Variants in SNAP91 observed in about 807,000 individuals in gnomAD.
SNAP91 encodes synaptosome associated protein 91.
SNAP91 carries 27 observed loss-of-function variants against 100.3 expected under a neutral mutation model. The observed-to-expected ratio is 0.27, with a 90% confidence interval of 0.20 to 0.37. The LOEUF is 0.37. Ranked by LOEUF, SNAP91 falls within the 10% of genes least tolerant of loss-of-function variation. SNAP91 has a pLI of 1.00. For synonymous variants in SNAP91, 404 were observed against 398.6 expected, an observed-to-expected ratio of 1.01 and a Z score of -0.16; for missense variants, 986 against 1,123.7, an observed-to-expected ratio of 0.88 and a Z score of 1.75.
intron 16 of SNAP91, among the ~76,000 whole-genome samples, chr6:83,599,422 T>A (rs1025470519): frequency 1.3e-4 from 20 of 152,272 alleles, no homozygotes; most frequent in East Asian, 7.7e-4. Context: ...AACACAAGCC[T>A]ATGAGAAACT....
intron 9 of SNAP91, 71 bp from the exon 10 acceptor site, chr6:83,617,110 T>A: frequency 9.9e-7 from 1 of 1,013,412 alleles, no homozygotes; most frequent in Non-Finnish European, 1.4e-6. Flanking sequence ...AATGTCACTG[T>A]AACTGTATGG....
intron 2 of SNAP91, among the ~76,000 whole-genome samples, chr6:83,671,169 CTTTAA>C (rs1290692314): frequency 1.3e-5 from 2 of 151,994 alleles, no homozygotes; most frequent in East Asian, 3.9e-4. Context: ...TTATTTTGGT[CTTTAA>C]TTTCTCTCAG....
Position 83,601,612 on chromosome 6 carries a change from A to G in SNAP91, c.1142-13T>C. The G allele has an allele frequency of 1.2e-6, 2 of 1,613,140 alleles. No homozygotes were observed. Among genetic ancestry groups the G allele is most frequent in the East Asian group, 2.2e-5 (1 of 44,874 alleles). On this transcript the variant is annotated splice_polypyrimidine_tract_variant and intron_variant, in intron 14 of 29. Transcript: ENST00000369694. ...TCTCCCAAAAGGTCTACCGATGTCC[A>G]TTACATGGCAGCATAAGAATAAATA... is the stretch of plus-strand genomic sequence containing the variant.
At chr6:83,699,030 T>C (rs1428015522) in intron 2 of SNAP91, among the ~76,000 whole-genome samples, 1 of 152,204 alleles carries the variant, frequency 6.6e-6, no homozygotes, top group Admixed American at 6.5e-5. Context: ...CTGCACTGGA[T>C]GGGAAGCTCC....
chr6:83,608,859 T>C (rs1215444730), intron 12 of SNAP91, among the ~76,000 whole-genome samples: 1 of 152,186 alleles, frequency 6.6e-6, no homozygotes, highest in East Asian at 1.9e-4. Flanking sequence ...GCAGTGTGGA[T>C]GTTGTTAATC....
chr6:83,591,328 G>GAAAGTGT (rs1175063735), intron 21 of SNAP91, 34 bp from the exon 22 acceptor site: 1 of 1,444,380 alleles, frequency 6.9e-7, no homozygotes, highest in East Asian at 2.3e-5. Flanking sequence ...GGAAAAGTAA[G>GAAAGTGT]AAAGTGTAAA....
At chr6:83,626,246 G>T (rs1271821217) in intron 8 of SNAP91, among the ~76,000 whole-genome samples, 6 of 152,076 alleles carry the variant, frequency 3.9e-5, no homozygotes, top group Admixed American at 3.9e-4. Flanking sequence ...GTATCATGCT[G>T]TTTTGGTTAC....
intron 25 of SNAP91, 159 bp from the exon 26 acceptor site, chr6:83,575,280 T>C: frequency 1.6e-6 from 1 of 612,290 alleles, no homozygotes; most frequent in Non-Finnish European, 2.8e-6. Context: ...CAGAGGAATC[T>C]TGCCATGCTG....
chr6:83,656,663 C>T, intron 7 of SNAP91, 91 bp downstream of exon 7: 2 of 495,914 alleles, frequency 4.0e-6, no homozygotes, highest in Non-Finnish European at 3.3e-6. Context: ...CAATATTGCC[C>T]ACCAAGTGAG....
At chr6:83,584,162 A>C (rs995998127) in intron 22 of SNAP91, among the ~76,000 whole-genome samples, 1 of 152,196 alleles carries the variant, frequency 6.6e-6, no homozygotes, top group African/African-American at 2.4e-5. Context: ...CCCGTACCTC[A>C]AGTTGGAATT....
chr6:83,660,679 T>C (rs1360270695), intron 5 of SNAP91, among the ~76,000 whole-genome samples: 1 of 152,140 alleles, frequency 6.6e-6, no homozygotes, highest in African/African-American at 2.4e-5. Flanking sequence ...TGTGTTTATA[T>C]ATGTGTTTTC....
chr6:83,654,306 C>A (rs938321199), intron 7 of SNAP91, among the ~76,000 whole-genome samples: 5 of 152,118 alleles, frequency 3.3e-5, no homozygotes, highest in Non-Finnish European at 7.4e-5. Flanking sequence ...AGAGGTTTGC[C>A]CTATGTCCTC....
chr6:83,691,694 T>C (rs909192938), intron 2 of SNAP91, among the ~76,000 whole-genome samples: 1 of 152,304 alleles, frequency 6.6e-6, no homozygotes, highest in South Asian at 2.1e-4. Flanking sequence ...ACTCCATATA[T>C]GTTTTTCTTT....
At chr6:83,661,900 C>A (rs2098550236) in intron 4 of SNAP91, among the ~76,000 whole-genome samples, 1 of 152,180 alleles carries the variant, frequency 6.6e-6, no homozygotes, top group Non-Finnish European at 1.5e-5. Context: ...TTAATTCATG[C>A]AGCCATCTGA....
At chr6:83,560,564 TATA>T (rs1319867398) in intron 27 of SNAP91, among the ~76,000 whole-genome samples, 1 of 152,222 alleles carries the variant, frequency 6.6e-6, no homozygotes. Flanking sequence ...AAAGTCCTAG[TATA>T]ATAATGAAGG....
At position 83,586,951 on chromosome 6, in the gene SNAP91, G is replaced by T. The variant is rs1259493487; in HGVS notation, c.2014+4260C>A. Reference sequence around the variant, plus strand: ...ACACCTTAAAATTTTTACTCAAGGGGTAGAAGACGACTAAGGCAATATTTC... The same window carrying T: ...ACACCTTAAAATTTTTACTCAAGGGTTAGAAGACGACTAAGGCAATATTTC... On this transcript the variant is annotated intron_variant, in intron 22 of 29. Coordinates refer to ENST00000369694, the MANE Select transcript of SNAP91 (RefSeq NM_001242792.2). Among the ~76,000 whole-genome samples the T allele has an allele frequency of 2.6e-5, 4 of 152,054 alleles. No homozygotes were observed. The East Asian group carries it at 7.7e-4, about 29-fold the overall frequency.
chr6:83,584,053 A>G (rs1434133605), intron 22 of SNAP91, among the ~76,000 whole-genome samples: 1 of 152,208 alleles, frequency 6.6e-6, no homozygotes, highest in Non-Finnish European at 1.5e-5. Context: ...AGCTTATCCC[A>G]GCCAAGGTAG....
chr6:83,580,735 A>G, intron 23 of SNAP91, 136 bp from the exon 24 acceptor site: 1 of 721,372 alleles, frequency 1.4e-6, no homozygotes, highest in Non-Finnish European at 2.2e-6. Flanking sequence ...AGTAATTCAC[A>G]CTTTTCATGA....
chr6:83,658,589 G>A (rs533169738), intron 6 of SNAP91, among the ~76,000 whole-genome samples: 2 of 152,254 alleles, frequency 1.3e-5, no homozygotes, highest in African/African-American at 4.8e-5. Flanking sequence ...CTGGGTGACA[G>A]AGTGAGACTC....
Sources: gnomAD v4.1 joint callset for allele counts (sites outside exome capture counted in the v4.1 genomes callset) on GRCh38, gnomAD v4.1.1 for gene constraint, MANE v1.5 for transcripts, NCBI Gene and HGNC (gene_info 2026-07-23, HGNC 2026-07-21) for gene names.